RBMS3: variants seen among roughly 807,000 people sequenced by gnomAD.
RBMS3 encodes the protein RNA binding motif single stranded interacting protein 3, also known as RNA-binding motif, single-stranded-interacting protein 3.
A neutral mutation model predicts 66.8 loss-of-function variants in RBMS3; 27 were observed. The observed-to-expected ratio is 0.40, with a 90% CI of 0.30 to 0.56. RBMS3 has a LOEUF of 0.56. Among genes scored for constraint, RBMS3 ranks in the 20% least tolerant of loss-of-function variants. RBMS3 has a pLI of 0.40. For synonymous variants in RBMS3, 188 were observed against 183.0 expected (o/e 1.03, Z -0.22); for missense variants, 513 against 549.5 (o/e 0.93, Z 0.66).
chr3:29,877,595 G>A (rs1449949934), intron 7 of RBMS3, among the ~76,000 whole-genome samples: 3 of 152,098 alleles, frequency 2.0e-5, no homozygotes, highest in Non-Finnish European at 4.4e-5. Flanking sequence ...GATCTTATTT[G>A]TAGTTCATCT....
intron 6 of RBMS3, among the ~76,000 whole-genome samples, chr3:29,820,814 T>A (rs1474156267): frequency 1.3e-5 from 2 of 152,112 alleles, no homozygotes. Flanking sequence ...TGGTAGCAGG[T>A]GCCTAAAACC....
chr3:29,621,077 C>T (rs1173097530), intron 4 of RBMS3, among the ~76,000 whole-genome samples: 1 of 152,116 alleles, frequency 6.6e-6, no homozygotes, highest in East Asian at 1.9e-4. Context: ...CTGGAACATG[C>T]AGGCCCATGT....
intron 12 of RBMS3, among the ~76,000 whole-genome samples, chr3:29,961,356 A>T (rs1696431103): frequency 6.6e-6 from 1 of 152,164 alleles, no homozygotes; most frequent in Non-Finnish European, 1.5e-5. Flanking sequence ...GTCTCTAGGA[A>T]GTTTCAAAGT....
intron 4 of RBMS3, among the ~76,000 whole-genome samples, chr3:29,620,270 C>A (rs531953270): frequency 6.6e-6 from 1 of 152,240 alleles, no homozygotes; most frequent in Non-Finnish European, 1.5e-5. Flanking sequence ...GTATGTGCCA[C>A]TTACAATTCT....
chr3:29,581,854 C>G (rs1369239380), intron 3 of RBMS3, among the ~76,000 whole-genome samples: 1 of 152,086 alleles, frequency 6.6e-6, no homozygotes, highest in East Asian at 1.9e-4. Context: ...AGCAGGAGTT[C>G]TAGTTTTATC....
intron 6 of RBMS3, among the ~76,000 whole-genome samples, chr3:29,831,507 T>G (rs1162889650): frequency 6.6e-6 from 1 of 152,050 alleles, no homozygotes; most frequent in Non-Finnish European, 1.5e-5. Flanking sequence ...ATGTACACAG[T>G]AAGAATTTTT....
rs770920290 is a variant in RBMS3, at chr3:30,006,526, T to G, written c.*2664T>G. On this transcript the variant is annotated 3_prime_UTR_variant, in exon 15 of 15. Transcript: ENST00000383767. ...ACTGTCTTTTGTTCCATCCTTCAGC[T>G]TCCCATGCATTATAAAGGTGGCACT... 34 of 152,112 alleles carry G rather than the reference T, an allele frequency of 2.2e-4. No individual in the cohort carries two copies. The highest frequency in any genetic ancestry group is 3.4e-4 in the Non-Finnish European group (23 of 67,874). The allele number at this position is 152,112 out of a possible 1,614,324, so 9.4% of individuals were successfully genotyped here.
chr3:29,944,422 T>C (rs1241707278), intron 12 of RBMS3, among the ~76,000 whole-genome samples, 168 bp downstream of exon 12: 1 of 151,654 alleles, frequency 6.6e-6, no homozygotes, highest in African/African-American at 2.4e-5. Flanking sequence ...AAACTTAATA[T>C]TATAATTCAG....
chr3:29,702,695 C>T (rs2052675667), intron 4 of RBMS3, among the ~76,000 whole-genome samples: 1 of 152,040 alleles, frequency 6.6e-6, no homozygotes, highest in African/African-American at 2.4e-5. Context: ...GAGGAACGAA[C>T]AACTCCAGAT....
Position 29,866,146 on chromosome 3 carries a change from G to A in RBMS3, c.638-2712G>A, listed in dbSNP as rs141431047. On this transcript the variant is annotated intron_variant, in intron 6 of 14. Transcript: ENST00000383767. The stretch of plus-strand genomic sequence containing the variant: ...CCTTGGTTAAAAAAAGACTATATTT[G>A]AGTAGAAAGAAGCTTCTGACTGTTA... 4.4e-3 allele frequency among the ~76,000 whole-genome samples: 651 copies of A among 147,638 alleles called. 4 individuals carry two copies. Among genetic ancestry groups the A allele is most frequent in the Middle Eastern group, 0.021 (6 of 282 alleles).
In RBMS3 at chr3:29,323,996, GAA is replaced by G. The variant is rs34678893; in HGVS notation, c.75+42254_75+42255del. Among the ~76,000 whole-genome samples, 1,368 of 145,398 alleles carry G rather than the reference GAA, an allele frequency of 9.4e-3. 17 individuals are homozygous for G. Among genetic ancestry groups the G allele is most frequent in the African/African-American group, 0.027 (1,069 of 39,756 alleles). On this transcript the variant is annotated intron_variant, in intron 1 of 14. Coordinates refer to ENST00000383767, the MANE Select transcript of RBMS3 (RefSeq NM_001003793.3). ...CTATTTTCTTGGATTTGCCCACTCT[GAA>G]AAAAAAAAAAAAATTCACTGCAAGC...
intron 10 of RBMS3, among the ~76,000 whole-genome samples, chr3:29,903,498 C>A (rs2060303937): frequency 6.6e-6 from 1 of 151,944 alleles, no homozygotes; most frequent in Non-Finnish European, 1.5e-5. Context: ...ATGGATTGCA[C>A]CAAATACCTA....
rs1462442443 is a variant in RBMS3, at chr3:30,009,092, A to G, written c.*5230A>G. On this transcript the variant is annotated 3_prime_UTR_variant, in exon 15 of 15. Transcript: ENST00000383767. ...TCCACTTAGAAAGCTTTAAAGCTGA[A>G]GTAGAGGTGCAGTCAAGCTTGGATC... 1 of 152,172 alleles carries G rather than the reference A, an allele frequency of 6.6e-6. No individual in the cohort carries two copies. Among genetic ancestry groups the G allele is most frequent in the African/African-American group, 2.4e-5 (1 of 41,448 alleles). The allele number at this position is 152,172 out of a possible 1,614,324, so 9.4% of individuals were successfully genotyped here.
chr3:29,720,724 G>C (rs2053610331), intron 4 of RBMS3, among the ~76,000 whole-genome samples: 1 of 151,828 alleles, frequency 6.6e-6, no homozygotes. Flanking sequence ...GTGAGTGTGT[G>C]TGTGACTTTT....
intron 5 of RBMS3, among the ~76,000 whole-genome samples, chr3:29,750,576 G>A (rs2055128925): frequency 6.6e-6 from 1 of 151,574 alleles, no homozygotes; most frequent in African/African-American, 2.4e-5. Context: ...TTAAATTCAG[G>A]GGCACATGTG....
intron 5 of RBMS3, among the ~76,000 whole-genome samples, chr3:29,755,769 T>A (rs550372154): frequency 6.6e-6 from 1 of 152,288 alleles, no homozygotes; most frequent in African/African-American, 2.4e-5. Context: ...CTCTTGCCTT[T>A]TGAAGTTCTT....
intron 1 of RBMS3, among the ~76,000 whole-genome samples, chr3:29,354,792 C>A (rs2037123723): frequency 6.6e-6 from 1 of 152,132 alleles, no homozygotes; most frequent in African/African-American, 2.4e-5. Flanking sequence ...CTTATTTAGG[C>A]AATGCCAGTG....
intron 2 of RBMS3, chr3:29,435,129 A>G (rs62236873): frequency 0.042 from 22,399 of 530,436 alleles, 604 homozygotes; most frequent in Non-Finnish European, 0.056. Flanking sequence ...TCTTGAGCAC[A>G]TATACATGGA....
intron 1 of RBMS3, among the ~76,000 whole-genome samples, chr3:29,410,756 A>G (rs182665471): frequency 2.9e-4 from 44 of 152,320 alleles, no homozygotes; most frequent in Admixed American, 5.2e-4. Flanking sequence ...TTTAAAAATT[A>G]TGGTATTCAC....
Sources: gnomAD v4.1 joint callset for allele counts (sites outside exome capture counted in the v4.1 genomes callset) on GRCh38, gnomAD v4.1.1 for gene constraint, MANE v1.5 for transcripts, NCBI Gene and HGNC (gene_info 2026-07-23, HGNC 2026-07-21) for gene names.